RBMXL1: variants seen among roughly 807,000 people sequenced by gnomAD.
RBMXL1 encodes the protein RNA binding motif protein, X-linked-like-1.
Under a neutral mutation model 29.0 loss-of-function variants are expected in RBMXL1, and 18 were observed. The observed-to-expected ratio is 0.62, with a 90% CI of 0.43 to 0.92. The LOEUF is 0.92. Ranked by LOEUF, RBMXL1 falls within the 40% of genes least tolerant of loss-of-function variation. RBMXL1 has a pLI of 0.00. For missense variants in RBMXL1, 403 were observed against 495.8 expected (o/e 0.81, Z 1.78); for synonymous variants, 141 against 170.4 (o/e 0.83, Z 1.34).
At position 88,982,172 on chromosome 1, in the gene RBMXL1, C is replaced by T. The variant is rs937575292; in HGVS notation, c.*482G>A. On this transcript the variant is annotated 3_prime_UTR_variant, in exon 3 of 3. Transcript: ENST00000652648. ...CATAGGCATCTGATTTCAGGTTTTGCATACTGAGAACAGTGAGATTTCAGT... is the reference window on the plus strand; with the variant it reads ...CATAGGCATCTGATTTCAGGTTTTGTATACTGAGAACAGTGAGATTTCAGT... 2.2e-6 allele frequency: 2 copies of T among 895,286 alleles called. No homozygotes were observed. Among genetic ancestry groups the T allele is most frequent in the Non-Finnish European group, 2.7e-6 (2 of 746,732 alleles). 55.5% of individuals were successfully genotyped at this position (895,286 alleles called of 1,614,324 possible). A position where few individuals can be genotyped will look rare whatever the true frequency, so the allele number is the denominator to read the frequency against.
In RBMXL1 at chr1:88,983,525, C is replaced by T. The variant is rs1357137773; in HGVS notation, c.302G>A (p.Arg101Lys). Residue 101 changes from arginine (R) to lysine (K), a missense_variant, in exon 3 of 3, where the codon AGA becomes AAA. Physicochemically the swap from Arg to Lys is conservative, Grantham distance 26. Transcript: ENST00000652648. ...RGRHGPPPPPRSRGPPRGFGA... is the reference protein window; with the variant it reads ...RGRHGPPPPPKSRGPPRGFGA... Reference sequence around the variant, plus strand: ...AAAACCTCTTGGAGGACCTCTACTTCTTGGAGGTGGGGGCGGTCCATGTCT... The same window carrying T: ...AAAACCTCTTGGAGGACCTCTACTTTTTGGAGGTGGGGGCGGTCCATGTCT... The T allele has an allele frequency of 1.2e-6, 2 of 1,614,198 alleles. No homozygotes were observed. Among genetic ancestry groups the T allele is most frequent in the East Asian group, 4.5e-5 (2 of 44,886 alleles).
In RBMXL1 at chr1:88,982,455, A is replaced by C. The variant is rs564760773; in HGVS notation, c.*199T>G. The C allele has an allele frequency of 9.6e-7, 1 of 1,042,594 alleles. No homozygotes were observed. 64.6% of individuals were successfully genotyped at this position (1,042,594 alleles called of 1,614,324 possible). A position where few individuals can be genotyped will look rare whatever the true frequency, so the allele number is the denominator to read the frequency against. On this transcript the variant is annotated 3_prime_UTR_variant, in exon 3 of 3. Transcript: ENST00000652648. ...CATTTGCTTGTTGAAAAGCAATGTC[A>C]TAAAGTCAAATAAAATTAAACATGT...
At position 88,982,001 on chromosome 1, in the gene RBMXL1, T is replaced by C. The variant is rs1677115767; in HGVS notation, c.*653A>G. The C allele has an allele frequency of 1.0e-6, 1 of 980,968 alleles. No homozygotes were observed. The highest frequency in any genetic ancestry group is 1.2e-6 in the Non-Finnish European group (1 of 825,496). The allele number at this position is 980,968 out of a possible 1,614,324, so 60.8% of individuals were successfully genotyped here. The stretch of plus-strand genomic sequence containing the variant: ...AAACTTTTTATTTAGTATTCCGTAG[T>C]TGTTTAGCACACACTTAAATGGTCT... On this transcript the variant is annotated 3_prime_UTR_variant, in exon 3 of 3. Transcript: ENST00000652648.
Position 88,980,932 on chromosome 1 carries a change from A to C in RBMXL1, c.*1722T>G, listed in dbSNP as rs1163023411. On this transcript the variant is annotated 3_prime_UTR_variant, in exon 3 of 3. Coordinates refer to ENST00000652648, the MANE Select transcript of RBMXL1 (RefSeq NM_001162536.3). Reference sequence around the variant, plus strand: ...AATGAGAGTTAAAAATGTTGTACTTACTATCCCTAGTTGCAAATGTTAAAA... The same window carrying C: ...AATGAGAGTTAAAAATGTTGTACTTCCTATCCCTAGTTGCAAATGTTAAAA... 2 of 152,200 alleles carry C rather than the reference A, an allele frequency of 1.3e-5. No individual in the cohort carries two copies. The highest frequency in any genetic ancestry group is 2.9e-5 in the Non-Finnish European group (2 of 68,032). The allele number at this position is 152,200 out of a possible 1,614,324, so 9.4% of individuals were successfully genotyped here.
At chr1:88,984,346 C>CCACCTGAG (rs1296428203) in intron 2 of RBMXL1, among the ~76,000 whole-genome samples, 4 of 151,132 alleles carry the variant, frequency 2.6e-5, no homozygotes, top group Non-Finnish European at 5.9e-5. Flanking sequence ...ACCTGAGTAG[C>CCACCTGAG]TTGGATTACC....
chr1:88,990,881 T>C (rs74603347), intron 1 of RBMXL1, among the ~76,000 whole-genome samples: 164 of 152,312 alleles, frequency 1.1e-3, no homozygotes, highest in Admixed American at 2.2e-3. Context: ...ATGAGATAAA[T>C]ACATTAAATT....
At chr1:88,984,462 T>C (rs1293347249) in intron 2 of RBMXL1, among the ~76,000 whole-genome samples, 1 of 152,210 alleles carries the variant, frequency 6.6e-6, no homozygotes, top group African/African-American at 2.4e-5. Flanking sequence ...TCCGCCTGCC[T>C]CGGCCTCCCA....
At position 88,983,447 on chromosome 1, in the gene RBMXL1, C is replaced by A; in HGVS notation, c.380G>T (p.Gly127Val). 13 of 1,614,142 alleles carry A rather than the reference C, an allele frequency of 8.1e-6. No individual in the cohort carries two copies. The highest frequency in any genetic ancestry group is 1.1e-5 in the Non-Finnish European group (13 of 1,180,026). ...GGTRGPPSRG[G>V]HMDDGGYSMN... The stretch of plus-strand genomic sequence containing the variant: ...GGAATATCCACCATCATCCATGTGT[C>A]CTCCTCGTGAAGGAGGTCCCCTGGT... Residue 127 changes from glycine to valine, a missense_variant, in exon 3 of 3, where the codon GGA becomes GTA. Physicochemically the swap from Gly to Val is moderately radical, Grantham distance 109 (BLOSUM62 -3). Transcript: ENST00000652648.
At position 88,983,764 on chromosome 1, in the gene RBMXL1, C is replaced by T; in HGVS notation, c.63G>A (p.Glu21=). 6.2e-7 allele frequency: 1 copy of T among 1,614,028 alleles called. No individual in the cohort carries two copies. Residue 21 remains glutamate, a synonymous_variant, in exon 3 of 3, where the codon GAG becomes GAA. Coordinates refer to ENST00000652648, the MANE Select transcript of RBMXL1 (RefSeq NM_001162536.3). ...FIGGLNTETN[E]KALETVFGKY... is the part of the protein sequence containing the mutation. ...TGCCAAATACTGTTTCAAGAGCTTT[C>T]TCATTTGTTTCCGTATTAAGCCCAC...
chr1:88,986,039 G>A (rs1056817209), intron 2 of RBMXL1, among the ~76,000 whole-genome samples: 1 of 152,058 alleles, frequency 6.6e-6, no homozygotes, highest in Non-Finnish European at 1.5e-5. Flanking sequence ...ATATTGGCCG[G>A]GAGTGGTGGC....
At chr1:88,990,200 G>C (rs1033762353) in intron 1 of RBMXL1, among the ~76,000 whole-genome samples, 1 of 151,746 alleles carries the variant, frequency 6.6e-6, no homozygotes, top group African/African-American at 2.4e-5. Context: ...TTCCCTCTAC[G>C]GATACCTTGC....
chr1:88,991,706 T>C (rs1387218146), intron 1 of RBMXL1, among the ~76,000 whole-genome samples: 1 of 152,204 alleles, frequency 6.6e-6, no homozygotes, highest in African/African-American at 2.4e-5. Context: ...AATGGATTCG[T>C]GTAACTATAA....
chr1:88,983,411 T>C lies in RBMXL1; in HGVS notation c.416A>G (p.Asn139Ser). 1.2e-6 allele frequency: 2 copies of C among 1,614,214 alleles called. No homozygotes were observed. The highest frequency in any genetic ancestry group is 1.7e-6 in the Non-Finnish European group (2 of 1,180,040). ...MDDGGYSMNF[N>S]MSSSRGPLPV... is the part of the protein sequence containing the mutation. ...GAGTGGTCCCCTGGAAGAACTCATG[T>C]TAAAATTCATGGAATATCCACCATC... Residue 139 changes from asparagine to serine, a missense_variant, in exon 3 of 3, where the codon AAC becomes AGC. Coordinates refer to ENST00000652648, the MANE Select transcript of RBMXL1 (RefSeq NM_001162536.3).
In RBMXL1 at chr1:88,985,348, G is replaced by A. The variant is rs545666208; in HGVS notation, c.-240-1282C>T. On this transcript the variant is annotated intron_variant, in intron 2 of 2. Coordinates refer to ENST00000652648, the MANE Select transcript of RBMXL1 (RefSeq NM_001162536.3). ...CTATAAATCAGAGTTGGACAGTCAG[G>A]CTGAACCAATCAAGACAACTAGAAG... is the stretch of plus-strand genomic sequence containing the variant. Among the ~76,000 whole-genome samples, 28 of 152,282 alleles carry A rather than the reference G, an allele frequency of 1.8e-4. No individual in the cohort carries two copies. In the South Asian group the frequency reaches 4.8e-3, roughly 26 times the overall value.
chr1:88,984,954 T>G (rs1677359897), intron 2 of RBMXL1, among the ~76,000 whole-genome samples: 1 of 152,240 alleles, frequency 6.6e-6, no homozygotes, highest in Admixed American at 6.5e-5. Context: ...TTACTTCATA[T>G]CACATGAGTG....
At chr1:88,991,577 G>T (rs1035761572) in intron 1 of RBMXL1, among the ~76,000 whole-genome samples, 1 of 152,224 alleles carries the variant, frequency 6.6e-6, no homozygotes, top group African/African-American at 2.4e-5. Context: ...GGAGTACAGT[G>T]GAAGGATGCG....
intron 1 of RBMXL1, among the ~76,000 whole-genome samples, chr1:88,990,972 GT>G (rs1173649771): frequency 6.6e-6 from 1 of 152,046 alleles, no homozygotes; most frequent in Non-Finnish European, 1.5e-5. Context: ...TATTTTTCTA[GT>G]TTCTCCCTAA....
rs933896099 is a variant in RBMXL1 at position 88,980,408 on chromosome 1, A to G, written c.*2246T>C. On this transcript the variant is annotated 3_prime_UTR_variant, in exon 3 of 3. Coordinates refer to ENST00000652648, the MANE Select transcript of RBMXL1 (RefSeq NM_001162536.3). ...CAAGCAAGCCAACTTTAACAAAATT[A>G]TCTCATAGATTTTGGATTTTTTTTT... 2.6e-5 allele frequency: 4 copies of G among 151,196 alleles called. No individual in the cohort carries two copies. The highest frequency in any genetic ancestry group is 4.4e-5 in the Non-Finnish European group (3 of 68,004). The allele number at this position is 151,196 out of a possible 1,614,324, so 9.4% of individuals were successfully genotyped here. A position where few individuals can be genotyped will look rare whatever the true frequency, so the allele number is the denominator to read the frequency against.
At position 88,983,261 on chromosome 1, in the gene RBMXL1, CTA is replaced by C; in HGVS notation, c.564_565del (p.Asp188GlufsTer15). Reference sequence around the variant, plus strand: ...TTCCCTTCGAGGTGGACCTCCATAACTATCTCTTCCACGTGATAGAGGAGCTC... The same window carrying C: ...TTCCCTTCGAGGTGGACCTCCATAACTCTCTTCCACGTGATAGAGGAGCTC... On this transcript the variant is annotated frameshift_variant, in exon 3 of 3. Transcript: ENST00000652648. LOFTEE classifies it high-confidence loss of function. 1 of 1,613,718 alleles carries C rather than the reference CTA, an allele frequency of 6.2e-7. No homozygotes were observed. The highest frequency in any genetic ancestry group is 8.5e-7 in the Non-Finnish European group (1 of 1,179,962).
Sources: allele counts gnomAD v4.1 joint callset (sites outside exome capture counted in the v4.1 genomes callset), GRCh38; gene constraint gnomAD v4.1.1; transcripts MANE v1.5; gene names NCBI Gene and HGNC (gene_info 2026-07-23, HGNC 2026-07-21).